EDAR: variants seen among roughly 807,000 people sequenced by gnomAD.
EDAR encodes the protein ectodysplasin A receptor.
In EDAR, 38 loss-of-function variants were observed where a neutral mutation model predicts 51.3. The observed-to-expected ratio is 0.74, with a 90% CI of 0.57 to 0.97. The LOEUF is 0.97. Among genes scored for constraint, EDAR ranks in the 50% least tolerant of loss-of-function variants. The pLI, the probability that EDAR is intolerant of heterozygous loss-of-function variation, is 0.00. For synonymous variants in EDAR, 227 were observed against 242.1 expected (o/e 0.94, Z 0.58); for missense variants, 528 against 595.0 (o/e 0.89, Z 1.17).
chr2:108,981,732 AC>A (rs2104476820), intron 1 of EDAR, among the ~76,000 whole-genome samples: 1 of 152,314 alleles, frequency 6.6e-6, no homozygotes, highest in South Asian at 2.1e-4. Context: ...TCATTTCTGA[AC>A]GAGCCCATGG....
intron 1 of EDAR, among the ~76,000 whole-genome samples, chr2:108,988,055 A>G (rs1698525757): frequency 6.6e-6 from 1 of 152,254 alleles, no homozygotes; most frequent in South Asian, 2.1e-4. Flanking sequence ...GGACTGGGGA[A>G]GAGGACGGTG....
At chr2:108,931,187 G>A (rs1287214467) in intron 1 of EDAR, among the ~76,000 whole-genome samples, 155 bp from the exon 2 acceptor site, 1 of 152,244 alleles carries the variant, frequency 6.6e-6, no homozygotes, top group African/African-American at 2.4e-5. Context: ...AGCTGAAGCT[G>A]TACCCATGCC....
chr2:108,917,343 A>G (rs527590106), intron 5 of EDAR, among the ~76,000 whole-genome samples: 1 of 152,148 alleles, frequency 6.6e-6, no homozygotes, highest in South Asian at 2.1e-4. Context: ...GAGCTCTGGC[A>G]CGCTGCAGGG....
chr2:108,921,349 G>A (rs867231791), intron 5 of EDAR, among the ~76,000 whole-genome samples: 2 of 152,202 alleles, frequency 1.3e-5, no homozygotes, highest in African/African-American at 2.4e-5. Flanking sequence ...CCTCAGCCAG[G>A]GGCCCTTGGC....
At chr2:108,933,645 A>G (rs1417654805) in intron 1 of EDAR, among the ~76,000 whole-genome samples, 3 of 152,226 alleles carry the variant, frequency 2.0e-5, no homozygotes, top group Non-Finnish European at 4.4e-5. Context: ...TTAGTGTTGC[A>G]TTTACCGTTT....
chr2:108,910,620 C>CAGCTCTGCCCAACAGGA, intron 8 of EDAR, 88 bp from the exon 9 acceptor site: 2 of 1,395,750 alleles, frequency 1.4e-6, no homozygotes, highest in African/African-American at 1.4e-5. Flanking sequence ...TCCTGTTGGG[C>CAGCTCTGCCCAACAGGA]AGAGCTGCCC....
At chr2:108,928,133 G>A (rs62151088) in intron 4 of EDAR, among the ~76,000 whole-genome samples, 7,634 of 152,160 alleles carry the variant, frequency 0.05, 226 homozygotes, top group African/African-American at 0.084. Flanking sequence ...CTGCCCTCCT[G>A]CCCAGCTTGT....
In EDAR at chr2:108,949,457, T is replaced by C. The variant is rs562151003; in HGVS notation, c.-18-18425A>G. The stretch of plus-strand genomic sequence containing the variant: ...AGCTGTGTTTGACCTGAGCCTCCAG[T>C]TGGCTCTGAATAATATTGCCTACTG... On this transcript the variant is annotated intron_variant, in intron 1 of 11. Transcript: ENST00000258443. Among the ~76,000 whole-genome samples, 3 of 152,316 alleles carry C rather than the reference T, an allele frequency of 2.0e-5. No homozygotes were observed. The East Asian group carries it at 5.8e-4, about 29-fold the overall frequency.
rs532334648 is a variant in EDAR, at chr2:108,929,088, C to T, written c.356+110G>A. On this transcript the variant is annotated intron_variant, in intron 4 of 11. Transcript: ENST00000258443. ...GGGACCAAGGCCAGGTGTGCGGCTGCACCGAGGCCTGCAGTATCCATGACC... is the reference window on the plus strand; with the variant it reads ...GGGACCAAGGCCAGGTGTGCGGCTGTACCGAGGCCTGCAGTATCCATGACC... 81 of 1,281,078 alleles carry T rather than the reference C, an allele frequency of 6.3e-5. 1 individual carries two copies. In the South Asian group the frequency reaches 9.2e-4, roughly 14 times the overall value. 79.4% of individuals were successfully genotyped at this position (1,281,078 alleles called of 1,614,324 possible).
intron 1 of EDAR, among the ~76,000 whole-genome samples, chr2:108,971,285 T>C (rs1285739990): frequency 6.6e-6 from 1 of 151,654 alleles, no homozygotes; most frequent in African/African-American, 2.4e-5. Flanking sequence ...CTCTGAGGAG[T>C]TCAAAGAGTG....
At chr2:108,920,878 C>A (rs1697123127) in intron 5 of EDAR, among the ~76,000 whole-genome samples, 1 of 152,178 alleles carries the variant, frequency 6.6e-6, no homozygotes, top group Non-Finnish European at 1.5e-5. Context: ...CAGTGGGCAC[C>A]ACTGGGAGCT....
chr2:108,910,764 T>C lies in EDAR; in HGVS notation c.730+12A>G, dbSNP rs759899621. The C allele has an allele frequency of 6.2e-7, 1 of 1,612,650 alleles. No individual in the cohort carries two copies. Among genetic ancestry groups the C allele is most frequent in the Non-Finnish European group, 8.5e-7 (1 of 1,179,918 alleles). On this transcript the variant is annotated intron_variant, in intron 8 of 11. Transcript: ENST00000258443. ...CCGTGCACATGGTGTGTGGAAGCCC[T>C]GGTTCACAGACCTGGGGCCTCTTTC...
chr2:108,961,971 A>G (rs972936620), intron 1 of EDAR, among the ~76,000 whole-genome samples: 1 of 152,236 alleles, frequency 6.6e-6, no homozygotes, highest in Non-Finnish European at 1.5e-5. Context: ...AAAGAGGGGA[A>G]GCGCAGCTGT....
chr2:108,947,686 T>C (rs1364229377), intron 1 of EDAR, among the ~76,000 whole-genome samples: 3 of 152,186 alleles, frequency 2.0e-5, no homozygotes, highest in African/African-American at 7.2e-5. Context: ...TAGCTGCAGC[T>C]GGAGCTGGAG....
chr2:108,975,074 C>T (rs1453621179), intron 1 of EDAR, among the ~76,000 whole-genome samples: 1 of 152,194 alleles, frequency 6.6e-6, no homozygotes, highest in African/African-American at 2.4e-5. Flanking sequence ...TGCTTTTCCA[C>T]GGAGCCTAGC....
intron 1 of EDAR, among the ~76,000 whole-genome samples, chr2:108,972,697 G>C (rs1698258069): frequency 6.6e-6 from 1 of 152,216 alleles, no homozygotes; most frequent in African/African-American, 2.4e-5. Flanking sequence ...GTGATCATTT[G>C]AAAAATAAGC....
rs1174751645 is a variant in EDAR, at chr2:108,930,250, C to A, written c.52-8G>T. The A allele has an allele frequency of 6.2e-7, 1 of 1,614,090 alleles. No individual in the cohort carries two copies. The highest frequency in any genetic ancestry group is 1.7e-5 in the Admixed American group (1 of 60,024). On this transcript the variant is annotated splice_polypyrimidine_tract_variant and splice_region_variant and intron_variant, in intron 2 of 11. Coordinates refer to ENST00000258443, the MANE Select transcript of EDAR (RefSeq NM_022336.4). ...TGAGCACATCAGAGACACCTGCCAA[C>A]AAAGGGGGGTGTTGTGGCCTCCGTA...
chr2:108,928,024 C>T (rs1443451814), intron 4 of EDAR, among the ~76,000 whole-genome samples: 2 of 152,178 alleles, frequency 1.3e-5, no homozygotes. Context: ...CTGCCCACAG[C>T]ATCCCTGGCT....
rs1433241115 is a variant in EDAR at position 108,930,256 on chromosome 2, G to C, written c.52-14C>G. On this transcript the variant is annotated splice_polypyrimidine_tract_variant and intron_variant, in intron 2 of 11. Coordinates refer to ENST00000258443, the MANE Select transcript of EDAR (RefSeq NM_022336.4). Reference sequence around the variant, plus strand: ...CATCAGAGACACCTGCCAACAAAGGGGGGTGTTGTGGCCTCCGTACCTCCT... The same window carrying C: ...CATCAGAGACACCTGCCAACAAAGGCGGGTGTTGTGGCCTCCGTACCTCCT... 1.2e-6 allele frequency: 2 copies of C among 1,614,054 alleles called. No individual in the cohort carries two copies. The highest frequency in any genetic ancestry group is 1.1e-5 in the South Asian group (1 of 91,084).
Sources: gnomAD v4.1 joint callset for allele counts (sites outside exome capture counted in the v4.1 genomes callset) on GRCh38, gnomAD v4.1.1 for gene constraint, MANE v1.5 for transcripts, NCBI Gene and HGNC (gene_info 2026-07-23, HGNC 2026-07-21) for gene names.